EED: variants seen among roughly 807,000 people sequenced by gnomAD.
EED encodes the protein embryonic ectoderm development.
A neutral mutation model predicts 61.0 loss-of-function variants in EED; 9 were observed. The ratio of observed to expected loss-of-function variants is 0.15; its 90% CI spans 0.09 to 0.26. The LOEUF is 0.26. EED is among the 10% of genes least tolerant of loss of function. The probability of loss-of-function intolerance (pLI) is 1.00; values close to 1 mark genes in which losing one functional copy is unlikely to be tolerated. For synonymous variants in EED, 187 were observed against 174.4 expected (o/e 1.07, Z -0.57); for missense variants, 315 against 542.3 (o/e 0.58, Z 4.16).
chr11:86,261,012 T>G (rs1784515684), intron 6 of EED, among the ~76,000 whole-genome samples: 1 of 152,016 alleles, frequency 6.6e-6, no homozygotes, highest in African/African-American at 2.4e-5. Flanking sequence ...CTCCCAACAC[T>G]GCTGCATTGG....
intron 6 of EED, among the ~76,000 whole-genome samples, chr11:86,258,456 C>G (rs1035999664): frequency 5.9e-5 from 9 of 151,822 alleles, no homozygotes; most frequent in African/African-American, 2.2e-4. Context: ...CTTGATAACA[C>G]TAATTGGGGC....
At chr11:86,248,210 C>G (rs1945439197) in intron 1 of EED, among the ~76,000 whole-genome samples, 1 of 152,178 alleles carries the variant, frequency 6.6e-6, no homozygotes, top group Non-Finnish European at 1.5e-5. Context: ...ATATTAGACA[C>G]TCAGCAAAGA....
chr11:86,285,161 T>A, the EED span, among the ~76,000 whole-genome samples: 1 of 152,144 alleles, frequency 6.6e-6, no homozygotes, highest in Non-Finnish European at 1.5e-5. Context: ...GGTTCATGCC[T>A]GTAATCGCAG....
chr11:86,277,524 A>G (rs933007533), intron 10 of EED: 1 of 178,388 alleles, frequency 5.6e-6, no homozygotes, highest in Non-Finnish European at 1.2e-5. Context: ...AATACTAGTT[A>G]CCTAAAAATT....
intron 6 of EED, among the ~76,000 whole-genome samples, chr11:86,263,675 C>G (rs1023655660): frequency 6.6e-6 from 1 of 152,154 alleles, no homozygotes. Flanking sequence ...GCCACCGTAC[C>G]TGACTGGGTG....
downstream of EED, among the ~76,000 whole-genome samples, chr11:86,281,812 G>C (rs1014913955): frequency 7.2e-5 from 11 of 152,156 alleles, no homozygotes; most frequent in African/African-American, 2.7e-4. Context: ...ATGCATCACT[G>C]TGCCAGGCTT....
intron 6 of EED, among the ~76,000 whole-genome samples, chr11:86,263,668 A>G (rs1593749584): frequency 6.6e-6 from 1 of 152,304 alleles, no homozygotes; most frequent in South Asian, 2.1e-4. Flanking sequence ...AGCATGAGCC[A>G]CCGTACCTGA....
downstream of EED, among the ~76,000 whole-genome samples, chr11:86,283,527 C>T (rs1049905544): frequency 6.6e-6 from 1 of 152,114 alleles, no homozygotes; most frequent in African/African-American, 2.4e-5. Flanking sequence ...AACCCCAGCA[C>T]CTAGAGCAGT....
At chr11:86,276,435 A>G (rs1946231790) in intron 9 of EED, 1 of 152,220 alleles carries the variant, frequency 6.6e-6, no homozygotes, top group Non-Finnish European at 1.5e-5. Context: ...ATGTGAGTTC[A>G]TCAACTTTCC....
chr11:86,262,813 C>CTTTTTT (rs34817049), intron 6 of EED, among the ~76,000 whole-genome samples: 1 of 138,732 alleles, frequency 7.2e-6, no homozygotes. Context: ...CCTGGCCTGG[C>CTTTTTT]TTTTTTTTTT....
At chr11:86,249,823 T>C (rs1418824346) in intron 1 of EED, among the ~76,000 whole-genome samples, 1 of 152,238 alleles carries the variant, frequency 6.6e-6, no homozygotes, top group Non-Finnish European at 1.5e-5. Flanking sequence ...ACACTCCTGC[T>C]TCAAACGGCT....
At chr11:86,283,380 T>A (rs574906778), downstream of EED, among the ~76,000 whole-genome samples, 1 of 152,354 alleles carries the variant, frequency 6.6e-6, no homozygotes, top group South Asian at 2.1e-4. Context: ...TTCCTCTCTG[T>A]ACTTTCTCCT....
At chr11:86,257,480 G>T in intron 5 of EED, 35 bp from the exon 6 acceptor site, 1 of 1,529,500 alleles carries the variant, frequency 6.5e-7, no homozygotes, top group Non-Finnish European at 8.9e-7. Context: ...CTGATTTTGA[G>T]ATAGGAAACT....
intron 9 of EED, among the ~76,000 whole-genome samples, chr11:86,273,636 T>C (rs1198602411): frequency 6.6e-6 from 1 of 152,214 alleles, no homozygotes; most frequent in Non-Finnish European, 1.5e-5. Flanking sequence ...ATGGCCTCAT[T>C]TCTTCTTTAT....
chr11:86,252,609 A>G (rs1378405727), intron 3 of EED, among the ~76,000 whole-genome samples: 2 of 152,046 alleles, frequency 1.3e-5, no homozygotes, highest in Admixed American at 6.6e-5. Context: ...TTTAAAATTA[A>G]GGTAATGAAT....
Position 86,276,999 on chromosome 11 carries a change from T to C in EED, c.986T>C (p.Val329Ala). ...ILSKSCENAI[V>A]CWKPGKMEDD... ...TTTTAGTCTTGTGAAAATGCCATTG[T>C]GTGCTGGAAACCTGGCAAGATGGAA... is the stretch of plus-strand genomic sequence containing the variant. Residue 329 changes from valine to alanine, a missense_variant, in exon 10 of 12, where the codon GTG becomes GCG. Val to Ala is a moderately conservative substitution (Grantham distance 64). Coordinates refer to ENST00000263360, the MANE Select transcript of EED (RefSeq NM_003797.5). 1 of 1,518,568 alleles carries C rather than the reference T, an allele frequency of 6.6e-7. No individual in the cohort carries two copies. 94.1% of individuals were successfully genotyped at this position (1,518,568 alleles called of 1,614,324 possible). A position where few individuals can be genotyped will look rare whatever the true frequency, so the allele number is the denominator to read the frequency against.
intron 3 of EED, among the ~76,000 whole-genome samples, chr11:86,254,580 A>G (rs548779365): frequency 3.2e-4 from 49 of 151,610 alleles, no homozygotes; most frequent in African/African-American, 1.0e-3. Context: ...CGGCCTCCCA[A>G]AGTGCTGGGA....
intron 9 of EED, among the ~76,000 whole-genome samples, chr11:86,269,058 C>T (rs1028798879): frequency 3.3e-5 from 5 of 152,090 alleles, no homozygotes; most frequent in African/African-American, 9.7e-5. Context: ...AAATTGAAAA[C>T]GCATTTAATA....
chr11:86,252,552 A>G (rs1394844019), intron 3 of EED, among the ~76,000 whole-genome samples: 2 of 141,352 alleles, frequency 1.4e-5, no homozygotes, highest in African/African-American at 2.6e-5. Flanking sequence ...TTTTAAAGTG[A>G]TTTTGGTATT....
Sources: gnomAD v4.1 joint callset for allele counts (sites outside exome capture counted in the v4.1 genomes callset) on GRCh38, gnomAD v4.1.1 for gene constraint, MANE v1.5 for transcripts, NCBI Gene and HGNC (gene_info 2026-07-23, HGNC 2026-07-21) for gene names.